MYO1E: variants seen among roughly 807,000 people sequenced by gnomAD.
The protein encoded by MYO1E is unconventional myosin-Ie.
Under a neutral mutation model 151.1 loss-of-function variants are expected in MYO1E, and 68 were observed. That is an observed-to-expected ratio of 0.45 (90% CI 0.37 to 0.55). MYO1E has a LOEUF of 0.55. Ranked by LOEUF, MYO1E falls within the 20% of genes least tolerant of loss-of-function variation. The pLI, the probability that MYO1E is intolerant of heterozygous loss-of-function variation, is 0.00. For missense variants in MYO1E, 1,363 were observed against 1,389.3 expected, an observed-to-expected ratio of 0.98 and a Z score of 0.30; for synonymous variants, 601 against 501.7, an observed-to-expected ratio of 1.20 and a Z score of -2.64.
intron 1 of MYO1E, among the ~76,000 whole-genome samples, chr15:59,326,320 C>G (rs1470204649): frequency 6.6e-6 from 1 of 152,006 alleles, no homozygotes; most frequent in Non-Finnish European, 1.5e-5. Flanking sequence ...GAGATCGAGA[C>G]CATCCTGGCC....
At chr15:59,241,713 T>C (rs560774556) in intron 4 of MYO1E, among the ~76,000 whole-genome samples, 7 of 151,416 alleles carry the variant, frequency 4.6e-5, no homozygotes, top group South Asian at 2.1e-4. Flanking sequence ...CAAAAATAAA[T>C]AGATAAATAA....
chr15:59,196,262 T>C (rs2079765687), intron 16 of MYO1E, among the ~76,000 whole-genome samples: 1 of 152,184 alleles, frequency 6.6e-6, no homozygotes. Context: ...TATTAATGCC[T>C]GTGCACTGGG....
At chr15:59,198,590 C>T (rs1415797933) in intron 16 of MYO1E, among the ~76,000 whole-genome samples, 2 of 151,928 alleles carry the variant, frequency 1.3e-5, no homozygotes, top group Non-Finnish European at 2.9e-5. Flanking sequence ...CTGAGGCAGG[C>T]GGATCAATTG....
chr15:59,161,249 G>C lies in MYO1E; in HGVS notation c.2628-19C>G. The C allele has an allele frequency of 6.2e-7, 1 of 1,612,624 alleles. No individual in the cohort carries two copies. The highest frequency in any genetic ancestry group is 8.5e-7 in the Non-Finnish European group (1 of 1,179,084). ...TTCAAGCCTGCAAAAAGCACAGTGG[G>C]GTTAACAGGTCGAAGGACGCAGTGA... On this transcript the variant is annotated intron_variant, in intron 23 of 27. Transcript: ENST00000288235.
intron 2 of MYO1E, 65 bp downstream of exon 2, chr15:59,272,241 C>T (rs1040799388): frequency 3.3e-5 from 53 of 1,591,572 alleles, no homozygotes; most frequent in Non-Finnish European, 4.3e-5. Context: ...CAGCATAAAG[C>T]CACAATTTAA....
intron 1 of MYO1E, among the ~76,000 whole-genome samples, chr15:59,301,048 A>G (rs145987396): frequency 1.6e-4 from 24 of 151,830 alleles, no homozygotes; most frequent in African/African-American, 5.8e-4. Context: ...TTGTACTTTT[A>G]GTAGACATGG....
rs544373180 is a variant in MYO1E at position 59,369,458 on chromosome 15, C to A, written c.3+3040G>T. ...CATGGGTTTCAGTCTATCAGAGAGT[C>A]CAAACTGGTCATGGCCACAAAAGCA... is the stretch of plus-strand genomic sequence containing the variant. On this transcript the variant is annotated intron_variant, in intron 1 of 27. Coordinates refer to ENST00000288235, the MANE Select transcript of MYO1E (RefSeq NM_004998.4). 1.1e-4 allele frequency among the ~76,000 whole-genome samples: 17 copies of A among 152,292 alleles called. No homozygotes were observed. The East Asian group carries it at 1.5e-3, about 14-fold the overall frequency.
At chr15:59,244,567 G>A (rs2080118612) in intron 4 of MYO1E, among the ~76,000 whole-genome samples, 1 of 152,182 alleles carries the variant, frequency 6.6e-6, no homozygotes, top group Admixed American at 6.5e-5. Context: ...TGCACCTCAT[G>A]ACTGAAAGTG....
chr15:59,326,362 CA>C (rs1203752316), intron 1 of MYO1E, among the ~76,000 whole-genome samples: 2,822 of 145,744 alleles, frequency 0.019, 81 homozygotes, highest in African/African-American at 0.064. Context: ...TACTAAAATA[CA>C]AAAAAAAAAA....
intron 1 of MYO1E, among the ~76,000 whole-genome samples, chr15:59,285,827 G>C (rs1226381645): frequency 6.6e-6 from 1 of 152,078 alleles, no homozygotes; most frequent in Non-Finnish European, 1.5e-5. Context: ...CATACAGGTC[G>C]GCACAAAAGT....
intron 19 of MYO1E, 63 bp downstream of exon 19, chr15:59,178,330 T>A (rs1245251213): frequency 3.1e-6 from 5 of 1,588,624 alleles, no homozygotes; most frequent in Non-Finnish European, 4.3e-6. Context: ...AGCTGAGGGG[T>A]GGAGCAGGGC....
chr15:59,363,020 G>A (rs1178825405), intron 1 of MYO1E, among the ~76,000 whole-genome samples: 3 of 131,160 alleles, frequency 2.3e-5, no homozygotes, highest in African/African-American at 8.4e-5. Context: ...GTGTCACCCA[G>A]GCTGGAATGC....
In MYO1E at chr15:59,159,351, T is replaced by A. The variant is rs576317913; in HGVS notation, c.2786-972A>T. On this transcript the variant is annotated intron_variant, in intron 24 of 27. Transcript: ENST00000288235. The surrounding 1 kb of genome is among the most constrained non-coding windows in gnomAD (Gnocchi z 4.4). ...CCGCCGCACAAACATAGCCTGCTGG[T>A]TATTTGCAGCCTTTCTTTGCCCGGC... Among the ~76,000 whole-genome samples, 1 of 152,336 alleles carries A rather than the reference T, an allele frequency of 6.6e-6. No individual in the cohort carries two copies.
chr15:59,364,201 A>G (rs2080900653), intron 1 of MYO1E, among the ~76,000 whole-genome samples: 1 of 152,206 alleles, frequency 6.6e-6, no homozygotes, highest in African/African-American at 2.4e-5. Context: ...ATATTTGCCA[A>G]GGAAGACCTA....
chr15:59,206,832 G>A (rs890225391), intron 14 of MYO1E: 12 of 1,139,522 alleles, frequency 1.1e-5, no homozygotes, highest in African/African-American at 6.2e-5. Flanking sequence ...CGGGGCACGC[G>A]CACCTGCCGT....
At chr15:59,307,260 G>T (rs1189245633) in intron 1 of MYO1E, among the ~76,000 whole-genome samples, 2 of 152,234 alleles carry the variant, frequency 1.3e-5, no homozygotes, top group Non-Finnish European at 2.9e-5. Flanking sequence ...GGCATCTCCA[G>T]TGGCACATGA....
chr15:59,307,525 T>G (rs1325841281), intron 1 of MYO1E, among the ~76,000 whole-genome samples: 1 of 152,204 alleles, frequency 6.6e-6, no homozygotes, highest in African/African-American at 2.4e-5. Context: ...TCTCAGGGTT[T>G]GCTTCATAGA....
chr15:59,208,163 C>T (rs187925286), intron 14 of MYO1E: 1 of 1,297,836 alleles, frequency 7.7e-7, no homozygotes, highest in Non-Finnish European at 1.1e-6. Context: ...TTTGAATAAA[C>T]TTGAATTCCT....
At chr15:59,275,825 C>T (rs1459986465) in intron 1 of MYO1E, among the ~76,000 whole-genome samples, 1 of 152,162 alleles carries the variant, frequency 6.6e-6, no homozygotes, top group African/African-American at 2.4e-5. Context: ...AGACCCTCAG[C>T]CCAGCCAGGG....
Sources: allele counts gnomAD v4.1 joint callset (sites outside exome capture counted in the v4.1 genomes callset), GRCh38; gene constraint gnomAD v4.1.1; non-coding constraint Gnocchi (gnomAD v3.1); transcripts MANE v1.5; gene names NCBI Gene and HGNC (gene_info 2026-07-23, HGNC 2026-07-21).